HECTD4: variants seen among roughly 807,000 people sequenced by gnomAD.
HECTD4 encodes the protein HECT domain E3 ubiquitin protein ligase 4.
A neutral mutation model predicts 471.5 loss-of-function variants in HECTD4; 114 were observed. That is an observed-to-expected ratio of 0.24 (90% CI 0.21 to 0.28). The LOEUF is 0.28. Ranked by LOEUF, HECTD4 falls within the 10% of genes least tolerant of loss-of-function variation. The probability of loss-of-function intolerance (pLI) is 1.00; values close to 1 mark genes in which losing one functional copy is unlikely to be tolerated. For missense variants in HECTD4, 3,866 were observed against 5,651.5 expected, an observed-to-expected ratio of 0.68 and a Z score of 10.13; for synonymous variants, 2,012 against 2,256.0, an observed-to-expected ratio of 0.89 and a Z score of 3.07.
chr12:112,264,787 C>T (rs368817944), intron 16 of HECTD4, among the ~76,000 whole-genome samples: 4 of 152,114 alleles, frequency 2.6e-5, no homozygotes, highest in Admixed American at 6.5e-5. Context: ...TTATTTGAGA[C>T]GGAGTCTTGC....
chr12:112,292,878 CA>C (rs536591076), intron 7 of HECTD4, among the ~76,000 whole-genome samples: 98 of 151,774 alleles, frequency 6.5e-4, no homozygotes, highest in Non-Finnish European at 1.2e-3. Context: ...AAAATTTAGC[CA>C]GGGGTGGTGG....
intron 1 of HECTD4, among the ~76,000 whole-genome samples, chr12:112,341,241 A>G (rs1199069823): frequency 1.3e-5 from 2 of 152,160 alleles, no homozygotes; most frequent in Non-Finnish European, 2.9e-5. Context: ...TCCCCCAAAC[A>G]AGACAAACAA....
At chr12:112,203,433 C>A in intron 54 of HECTD4, 1 of 457,622 alleles carries the variant, frequency 2.2e-6, no homozygotes, top group Non-Finnish European at 3.9e-6. Flanking sequence ...GAGAGCCTAC[C>A]ATCTACTGCC....
In HECTD4 at chr12:112,229,924, T is replaced by C. The variant is rs531531805; in HGVS notation, c.6337-44A>G. On this transcript the variant is annotated intron_variant, in intron 40 of 75. Coordinates refer to ENST00000682272, the MANE Select transcript of HECTD4 (RefSeq NM_001388303.1). ...CGTGCACTAGGAGTTAAAGCTTTGG[T>C]TGTTTTGATGCCAAGGGTGATAAAG... 12 of 1,538,430 alleles carry C rather than the reference T, an allele frequency of 7.8e-6. No homozygotes were observed. The Admixed American group carries it at 1.4e-4, about 17-fold the overall frequency.
intron 69 of HECTD4, chr12:112,170,130 G>A (rs2031154896): frequency 2.9e-6 from 2 of 689,362 alleles, no homozygotes; most frequent in Non-Finnish European, 4.8e-6. Flanking sequence ...GGGCCCCCGG[G>A]AGCCAAGCTC....
At chr12:112,378,798 CT>C (rs1371839921) in intron 1 of HECTD4, among the ~76,000 whole-genome samples, 1 of 152,134 alleles carries the variant, frequency 6.6e-6, no homozygotes, top group African/African-American at 2.4e-5. Context: ...AATCCCAGAA[CT>C]TTGGGAGGCC....
At chr12:112,177,370 T>G (rs978650860) in intron 64 of HECTD4, among the ~76,000 whole-genome samples, 1 of 150,824 alleles carries the variant, frequency 6.6e-6, no homozygotes, top group Non-Finnish European at 1.5e-5. Context: ...TGGAATGTTA[T>G]GAGGCTATTT....
In HECTD4 at chr12:112,228,752, T is replaced by C; in HGVS notation, c.6579A>G (p.Glu2193=). 6.2e-7 allele frequency: 1 copy of C among 1,613,658 alleles called. No homozygotes were observed. Among genetic ancestry groups the C allele is most frequent in the South Asian group, 1.1e-5 (1 of 91,010 alleles). ...IGVVASINEQ[E]GIATVRFPPI... is the part of the protein sequence containing the mutation. Reference sequence around the variant, plus strand: ...GTGGGAATCTGACTGTAGCTATACCTTCCTGTTCATTGATAGAAGCCACTA... The same window carrying C: ...GTGGGAATCTGACTGTAGCTATACCCTCCTGTTCATTGATAGAAGCCACTA... The change falls in exon 42 of 76, where the codon GAA becomes GAG. Residue 2193 remains glutamate, a synonymous_variant. Transcript: ENST00000682272. The surrounding 1 kb of genome is among the most constrained non-coding windows in gnomAD (Gnocchi z 4.9).
intron 6 of HECTD4, among the ~76,000 whole-genome samples, chr12:112,308,542 C>T (rs2035313897): frequency 6.6e-6 from 1 of 151,364 alleles, no homozygotes; most frequent in South Asian, 2.1e-4. Context: ...TTGTTGTAGG[C>T]TGCAGAAACT....
intron 4 of HECTD4, among the ~76,000 whole-genome samples, chr12:112,309,971 CCTAATT>C (rs1370589170): frequency 1.3e-5 from 2 of 152,040 alleles, no homozygotes; most frequent in African/African-American, 4.8e-5. Context: ...TCAAGTCATT[CCTAATT>C]CTAATTTGAA....
intron 1 of HECTD4, among the ~76,000 whole-genome samples, chr12:112,334,752 G>C (rs1391044315): frequency 6.7e-6 from 1 of 150,102 alleles, no homozygotes; most frequent in African/African-American, 2.5e-5. Flanking sequence ...AGAGGTTGCA[G>C]TGAGGAGAGA....
intron 43 of HECTD4, 122 bp from the exon 44 acceptor site, chr12:112,226,880 A>C: frequency 6.7e-6 from 4 of 593,378 alleles, no homozygotes; most frequent in South Asian, 2.6e-5. Context: ...CAAACACCCC[A>C]CTCATCTTGC....
intron 8 of HECTD4, among the ~76,000 whole-genome samples, chr12:112,281,821 A>C (rs2135639520): frequency 6.6e-6 from 1 of 152,350 alleles, no homozygotes; most frequent in Admixed American, 6.5e-5. Context: ...AATGCATATT[A>C]ATTCAGATGC....
intron 60 of HECTD4, among the ~76,000 whole-genome samples, chr12:112,187,104 C>T (rs1482819476): frequency 1.3e-5 from 2 of 151,810 alleles, no homozygotes; most frequent in Non-Finnish European, 2.9e-5. Flanking sequence ...CTCAGCCTCC[C>T]GAGTAGCTTG....
intron 7 of HECTD4, among the ~76,000 whole-genome samples, chr12:112,288,051 A>G (rs1267084427): frequency 6.6e-6 from 1 of 151,404 alleles, no homozygotes; most frequent in Non-Finnish European, 1.5e-5. Flanking sequence ...GTTGCTGGCC[A>G]GGCACGGTGG....
At chr12:112,200,886 T>C (rs1593923227) in intron 54 of HECTD4, 88 bp from the exon 55 acceptor site, 3 of 68,314 alleles carry the variant, frequency 4.4e-5, no homozygotes, top group Non-Finnish European at 1.5e-4. Flanking sequence ...CGTGCGTGCG[T>C]GTGTGTGTGT....
intron 1 of HECTD4, among the ~76,000 whole-genome samples, chr12:112,363,947 G>A (rs563880199): frequency 5.4e-5 from 7 of 128,812 alleles, no homozygotes; most frequent in Admixed American, 4.7e-4. Flanking sequence ...AGCCGAGATC[G>A]TACCCCTGCA....
rs1389722584 is a variant in HECTD4, at chr12:112,200,706, T to C, written c.8499A>G (p.Pro2833=). The C allele has an allele frequency of 1.9e-6, 3 of 1,613,888 alleles. No individual in the cohort carries two copies. Among genetic ancestry groups the C allele is most frequent in the Non-Finnish European group, 1.7e-6 (2 of 1,179,886 alleles). The part of the protein sequence containing the change: ...WYPIDMLERP[P]AGYRRTATNG... ...TGGTGGCAGTCCTTCGGTAGCCTGCTGGGGGCCTTTCCAACATGTCAATAG... is the reference window on the plus strand; with the variant it reads ...TGGTGGCAGTCCTTCGGTAGCCTGCCGGGGGCCTTTCCAACATGTCAATAG... Residue 2833 remains proline, a synonymous_variant, in exon 55 of 76, where the codon CCA becomes CCG. Coordinates refer to ENST00000682272, the MANE Select transcript of HECTD4 (RefSeq NM_001388303.1).
In HECTD4 at chr12:112,312,032, A is replaced by C. The variant is rs10850027; in HGVS notation, c.916+985T>G. ...TACAAGCCCTGGGCTGAGAGATGCG[A>C]GGGGGCCTGCCGCTTAGATTCTCCT... On this transcript the variant is annotated intron_variant, in intron 4 of 75. Transcript: ENST00000682272. 0.055 allele frequency among the ~76,000 whole-genome samples: 8,421 copies of C among 152,184 alleles called. 1,286 individuals carry two copies. In the East Asian group the frequency reaches 0.61, roughly 11 times the overall value.
Sources: gnomAD v4.1 joint callset for allele counts (sites outside exome capture counted in the v4.1 genomes callset) on GRCh38, gnomAD v4.1.1 for gene constraint, Gnocchi (gnomAD v3.1) non-coding constraint, MANE v1.5 for transcripts, NCBI Gene and HGNC (gene_info 2026-07-23, HGNC 2026-07-21) for gene names.